The following PRKCD variants were observed in gnomAD, a reference collection of about 807,000 sequenced individuals.
PRKCD encodes the protein protein kinase C delta type.
In PRKCD, 20 loss-of-function variants were observed where a neutral mutation model predicts 82.2. The observed-to-expected ratio is 0.24, with a 90% confidence interval of 0.17 to 0.35. The LOEUF is 0.35. PRKCD is among the 10% of genes least tolerant of loss of function. The pLI is 1.00. For missense variants in PRKCD, 607 were observed against 899.0 expected (o/e 0.68, Z 4.15); for synonymous variants, 317 against 337.0 (o/e 0.94, Z 0.65).
At chr3:53,181,332 G>A in intron 5 of PRKCD, 65 bp downstream of exon 5, 4 of 1,608,550 alleles carry the variant, frequency 2.5e-6, no homozygotes, top group South Asian at 1.1e-5. Context: ...GCACTGAGGT[G>A]TAGGGAAGCT....
rs1043951052 is a variant in PRKCD at position 53,163,422 on chromosome 3, C to T, written c.-131-1682C>T. On this transcript the variant is annotated intron_variant, in intron 1 of 18. Coordinates refer to ENST00000330452, the MANE Select transcript of PRKCD (RefSeq NM_006254.4). Reference sequence around the variant, plus strand: ...GGGAGACCATGAGGATGTGGGTGTGCACATGGAGAGGGCTAGAGGGCAAGT... The same window carrying T: ...GGGAGACCATGAGGATGTGGGTGTGTACATGGAGAGGGCTAGAGGGCAAGT... 2.0e-5 allele frequency among the ~76,000 whole-genome samples: 3 copies of T among 151,832 alleles called. No homozygotes were observed. In the South Asian group the frequency reaches 6.2e-4, roughly 32 times the overall value.
intron 18 of PRKCD, among the ~76,000 whole-genome samples, chr3:53,191,468 C>T (rs1553670888): frequency 6.6e-6 from 1 of 152,116 alleles, no homozygotes; most frequent in African/African-American, 2.4e-5. Flanking sequence ...CATTAAAACC[C>T]AGTACAAGCC....
intron 2 of PRKCD, among the ~76,000 whole-genome samples, chr3:53,167,746 G>T (rs544556191): frequency 1.3e-5 from 2 of 152,378 alleles, no homozygotes; most frequent in Admixed American, 1.3e-4. Context: ...TGATGAGGGG[G>T]TATTATTATC....
chr3:53,181,421 C>G, intron 5 of PRKCD, 23 bp from the exon 6 acceptor site: 4 of 1,614,054 alleles, frequency 2.5e-6, no homozygotes, highest in South Asian at 2.2e-5. Flanking sequence ...CCAGGGCTGA[C>G]TTCCCTACTC....
chr3:53,189,892 C>G lies in PRKCD; in HGVS notation c.1763C>G (p.Thr588Ser), dbSNP rs1703859591. The G allele has an allele frequency of 6.2e-7, 1 of 1,614,174 alleles. No individual in the cohort carries two copies. The highest frequency in any genetic ancestry group is 1.6e-4 in the Middle Eastern group (1 of 6,062). The change falls in exon 18 of 19, where the codon ACC becomes AGC. Residue 588 changes from threonine (T) to serine (S), a missense_variant. Transcript: ENST00000330452. Reference protein sequence around the residue: ...ILEKLFEREPTKRLGVTGNIK... With the variant: ...ILEKLFEREPSKRLGVTGNIK... ...TTGCAGCTCTTTGAAAGGGAACCAA[C>G]CAAGAGGCTGGGAGTGACCGGAAAC...
intron 9 of PRKCD, among the ~76,000 whole-genome samples, chr3:53,184,108 G>C (rs4687707): frequency 1.3e-3 from 197 of 150,292 alleles, no homozygotes; most frequent in African/African-American, 4.6e-3. Flanking sequence ...CGAGGCGGGC[G>C]GATCATGAGG....
Position 53,192,149 on chromosome 3 carries a change from G to A in PRKCD, c.1914G>A (p.Leu638=), listed in dbSNP as rs1559634152. The part of the protein sequence containing the change: ...RDYSNFDQEF[L]NEKARLSYSD... Reference sequence around the variant, plus strand: ...ACAGTAACTTTGACCAGGAGTTCCTGAACGAGAAGGCGCGCCTCTCCTACA... The same window carrying A: ...ACAGTAACTTTGACCAGGAGTTCCTAAACGAGAAGGCGCGCCTCTCCTACA... Residue 638 remains leucine (L), a synonymous_variant, in exon 19 of 19, where the codon CTG becomes CTA. Transcript: ENST00000330452. 1 of 1,613,984 alleles carries A rather than the reference G, an allele frequency of 6.2e-7. No individual in the cohort carries two copies.
rs782253844 is a variant in PRKCD, at chr3:53,192,119, A to T, written c.1884A>T (p.Arg628Ser). 2 of 1,613,918 alleles carry T rather than the reference A, an allele frequency of 1.2e-6. No individual in the cohort carries two copies. The highest frequency in any genetic ancestry group is 1.7e-6 in the Non-Finnish European group (2 of 1,179,956). Residue 628 changes from arginine to serine, a missense_variant, in exon 19 of 19, where the codon AGA becomes AGT. This residue lies in a region of PRKCD where 251 missense variants were observed against 423.9 expected (regional missense o/e 0.59). Transcript: ENST00000330452. ...CCCTCTGCTTGTAGAAGTCACCCAGAGACTACAGTAACTTTGACCAGGAGT... is the reference window on the plus strand; with the variant it reads ...CCCTCTGCTTGTAGAAGTCACCCAGTGACTACAGTAACTTTGACCAGGAGT... ...PPFRPKVKSP[R>S]DYSNFDQEFL...
rs782504487 is a variant in PRKCD, at chr3:53,186,674, G to A, written c.1331G>A (p.Arg444His). 3.1e-6 allele frequency: 5 copies of A among 1,613,798 alleles called. No individual in the cohort carries two copies. Among genetic ancestry groups the A allele is most frequent in the South Asian group, 1.1e-5 (1 of 91,058 alleles). Residue 444 changes from arginine to histidine, a missense_variant, in exon 14 of 19, where the codon CGC becomes CAC. Around this residue, in one of 5 missense-constraint regions of PRKCD, gnomAD observed 251 missense variants for 423.9 expected, o/e 0.59. Coordinates refer to ENST00000330452, the MANE Select transcript of PRKCD (RefSeq NM_006254.4). ...DLMYHIQDKGRFELYRATFYA... is the reference protein window; with the variant it reads ...DLMYHIQDKGHFELYRATFYA... ...ATGTACCACATCCAGGACAAAGGCCGCTTTGAACTCTACCGTGCCACGTAC... is the reference window on the plus strand; with the variant it reads ...ATGTACCACATCCAGGACAAAGGCCACTTTGAACTCTACCGTGCCACGTAC...
Position 53,181,721 on chromosome 3 carries a change from A to G in PRKCD, c.560A>G (p.Tyr187Cys), listed in dbSNP as rs1201489693. 1 of 1,613,420 alleles carries G rather than the reference A, an allele frequency of 6.2e-7. No homozygotes were observed. The highest frequency in any genetic ancestry group is 8.5e-7 in the Non-Finnish European group (1 of 1,179,442). ...TTCAGGGGCCTCAACAAGCAAGGCT[A>G]CAAATGCAGGCGTAAGTGTCTCCAC... is the stretch of plus-strand genomic sequence containing the variant. ...DFVWGLNKQG[Y>C]KCRQCNAAIH... Residue 187 changes from tyrosine (Y) to cysteine (C), a missense_variant, in exon 7 of 19, where the codon TAC (tyrosine) becomes TGC (cysteine). By Grantham distance (194) the Tyr-to-Cys change is radical. Around this residue, in one of 5 missense-constraint regions of PRKCD, gnomAD observed 109 missense variants for 155.6 expected, o/e 0.70. Coordinates refer to ENST00000330452, the MANE Select transcript of PRKCD (RefSeq NM_006254.4).
At chr3:53,176,424 A>T (rs2128709) in intron 2 of PRKCD, among the ~76,000 whole-genome samples, 1 of 152,272 alleles carries the variant, frequency 6.6e-6, no homozygotes, top group African/African-American at 2.4e-5. Flanking sequence ...AGAGCTGGCC[A>T]CTGCTCTGGC....
intron 14 of PRKCD, 106 bp from the exon 15 acceptor site, chr3:53,187,234 T>C: frequency 8.1e-7 from 1 of 1,238,634 alleles, no homozygotes; most frequent in Non-Finnish European, 1.2e-6. Flanking sequence ...GTCCATGGAG[T>C]TATTTGCAGC....
chr3:53,183,296 C>A, intron 8 of PRKCD, 90 bp downstream of exon 8: 1 of 1,540,782 alleles, frequency 6.5e-7, no homozygotes, highest in Non-Finnish European at 8.9e-7. Context: ...CCCTGGGGAG[C>A]TTACCCTCCC....
At position 53,186,226 on chromosome 3, in the gene PRKCD, G is replaced by A. The variant is rs782234345; in HGVS notation, c.1146G>A (p.Lys382=). Residue 382 remains lysine, a synonymous_variant, in exon 13 of 19, where the codon AAG becomes AAA. Transcript: ENST00000330452. ...GEYFAIKALK[K]DVVLIDDDVE... ...ACTTTGCCATCAAGGCCCTCAAGAA[G>A]GATGTGGTCCTGATCGACGACGACG... is the stretch of plus-strand genomic sequence containing the variant. The A allele has an allele frequency of 6.2e-6, 10 of 1,614,064 alleles. No homozygotes were observed. The highest frequency in any genetic ancestry group is 1.6e-4 in the Middle Eastern group (1 of 6,084).
chr3:53,177,980 T>C (rs1553666247), intron 2 of PRKCD, among the ~76,000 whole-genome samples: 1 of 149,474 alleles, frequency 6.7e-6, no homozygotes, highest in Non-Finnish European at 1.5e-5. Context: ...AGTTTGGCTC[T>C]TGTCACCCAG....
chr3:53,172,666 T>C (rs558774921), intron 2 of PRKCD, among the ~76,000 whole-genome samples: 1 of 152,020 alleles, frequency 6.6e-6, no homozygotes, highest in Admixed American at 6.5e-5. Context: ...TCCCCGGGGG[T>C]CTGTTCAAGG....
chr3:53,192,685 T>C lies in PRKCD; in HGVS notation c.*419T>C, dbSNP rs1553671267. ...AAGCTGTTTGAACCACCAGGTTTATTTGTGTGTCTAAATAAACACCAAATA... is the reference window on the plus strand; with the variant it reads ...AAGCTGTTTGAACCACCAGGTTTATCTGTGTGTCTAAATAAACACCAAATA... On this transcript the variant is annotated 3_prime_UTR_variant, in exon 19 of 19. Coordinates refer to ENST00000330452, the MANE Select transcript of PRKCD (RefSeq NM_006254.4). 2 of 151,202 alleles carry C rather than the reference T, an allele frequency of 1.3e-5. No homozygotes were observed. The highest frequency in any genetic ancestry group is 1.3e-4 in the Admixed American group (2 of 15,144). 9.4% of individuals were successfully genotyped at this position (151,202 alleles called of 1,614,324 possible). A position where few individuals can be genotyped will look rare whatever the true frequency, so the allele number is the denominator to read the frequency against.
intron 2 of PRKCD, among the ~76,000 whole-genome samples, chr3:53,173,192 C>T (rs1218109767): frequency 6.6e-6 from 1 of 152,244 alleles, no homozygotes; most frequent in African/African-American, 2.4e-5. Context: ...TATACATCAG[C>T]ACACGTGTGG....
Position 53,181,515 on chromosome 3 carries a change from C to G in PRKCD, c.448C>G (p.Gln150Glu), listed in dbSNP as rs782177797. ...GATGAACCGCCGCGGAGCCATCAAA[C>G]AGGCCAAAATCCACTACATCAAGAA... ...PTMNRRGAIKQAKIHYIKNHE... is the reference protein window; with the variant it reads ...PTMNRRGAIKEAKIHYIKNHE... The change falls in exon 6 of 19, where the codon CAG becomes GAG. Residue 150 changes from glutamine (Q) to glutamate (E), a missense_variant. Gln to Glu is a conservative substitution (Grantham distance 29, BLOSUM62 2). Coordinates refer to ENST00000330452, the MANE Select transcript of PRKCD (RefSeq NM_006254.4). 2.5e-6 allele frequency: 4 copies of G among 1,614,238 alleles called. No individual in the cohort carries two copies. The South Asian group carries it at 3.3e-5, about 13-fold the overall frequency.
Sources: gnomAD v4.1 joint callset for allele counts (sites outside exome capture counted in the v4.1 genomes callset) on GRCh38, gnomAD v4.1.1 for gene constraint, gnomAD v4.1.1 regional missense constraint, MANE v1.5 for transcripts, NCBI Gene and HGNC (gene_info 2026-07-23, HGNC 2026-07-21) for gene names.